RORA: variants seen among roughly 807,000 people sequenced by gnomAD.
The protein encoded by RORA is RAR related orphan receptor A, also known as nuclear receptor ROR-alpha.
In RORA, 7 loss-of-function variants were observed where a neutral mutation model predicts 69.5. The observed-to-expected ratio is 0.10, with a 90% CI of 0.06 to 0.19. The LOEUF is 0.19. RORA is among the 10% of genes least tolerant of loss of function. The pLI is 1.00. For missense variants in RORA, 457 were observed against 663.0 expected (o/e 0.69, Z 3.41); for synonymous variants, 261 against 240.8 (o/e 1.08, Z -0.78).
chr15:60,959,295 T>A (rs928218823), intron 1 of RORA, among the ~76,000 whole-genome samples: 3 of 152,174 alleles, frequency 2.0e-5, no homozygotes, highest in African/African-American at 7.2e-5. Context: ...CATTAAAAAA[T>A]CATTTTCCTG....
chr15:61,070,934 AAG>A (rs1397086768), intron 1 of RORA, among the ~76,000 whole-genome samples: 4 of 152,048 alleles, frequency 2.6e-5, no homozygotes, highest in Admixed American at 6.5e-5. Flanking sequence ...ATTGGACTTT[AAG>A]AACATAAGCG....
In RORA at chr15:61,200,239, T is replaced by C. The variant is rs2079882922; in HGVS notation, c.166+28814A>G. 4.6e-5 allele frequency among the ~76,000 whole-genome samples: 7 copies of C among 152,210 alleles called. No individual in the cohort carries two copies. The South Asian group carries it at 1.4e-3, about 32-fold the overall frequency. On this transcript the variant is annotated intron_variant, in intron 1 of 10. Coordinates refer to ENST00000335670, the MANE Select transcript of RORA (RefSeq NM_134261.3). ...TGGCATCAACTGACTTTCTGAGGAA[T>C]GGCCTAGAAAGCTATATGGGGCTTC...
chr15:60,838,896 T>TAC (rs2073158420), intron 1 of RORA, among the ~76,000 whole-genome samples: 1 of 138,090 alleles, frequency 7.2e-6, no homozygotes, highest in African/African-American at 2.8e-5. Context: ...ACATATACTT[T>TAC]TTTTTTTTTT....
intron 1 of RORA, among the ~76,000 whole-genome samples, chr15:61,003,045 G>A (rs1035242013): frequency 4.0e-5 from 6 of 150,720 alleles, no homozygotes; most frequent in African/African-American, 1.5e-4. Flanking sequence ...TCGGGAGGCT[G>A]AGGCAGGAGA....
chr15:60,837,196 T>C (rs566168956), intron 1 of RORA, among the ~76,000 whole-genome samples: 4 of 152,322 alleles, frequency 2.6e-5, no homozygotes, highest in African/African-American at 9.6e-5. Flanking sequence ...TAAGGCCCTC[T>C]TGAACTTTGT....
chr15:60,579,897 A>G lies in RORA; in HGVS notation c.197-48046T>C, dbSNP rs531779327. Among the ~76,000 whole-genome samples, 32 of 152,338 alleles carry G rather than the reference A, an allele frequency of 2.1e-4. No individual in the cohort carries two copies. In the South Asian group the frequency reaches 6.6e-3, roughly 32 times the overall value. ...CTTTTGTCAGCTCAGTATAGCATCA[A>G]TTAGTAACACAGTTGTGTTTATTAG... On this transcript the variant is annotated intron_variant, in intron 2 of 10. Transcript: ENST00000335670.
intron 1 of RORA, among the ~76,000 whole-genome samples, chr15:60,818,978 T>C (rs1473694094): frequency 6.6e-6 from 1 of 152,250 alleles, no homozygotes; most frequent in African/African-American, 2.4e-5. Flanking sequence ...TCTACACCAC[T>C]GTTTGCCTAT....
At chr15:60,857,466 C>T (rs2073393004) in intron 1 of RORA, among the ~76,000 whole-genome samples, 1 of 152,142 alleles carries the variant, frequency 6.6e-6, no homozygotes, top group Non-Finnish European at 1.5e-5. Context: ...ACATGCCAGG[C>T]TTTGGAATGA....
chr15:60,523,054 A>AAAAAAAACACACAC (rs1567058748), intron 3 of RORA, among the ~76,000 whole-genome samples: 45 of 152,022 alleles, frequency 3.0e-4, no homozygotes, highest in Admixed American at 1.8e-3. Flanking sequence ...AAAACACAAA[A>AAAAAAAACACACAC]AAAAAAACTG....
chr15:60,506,935 C>T (rs529363213), intron 5 of RORA, among the ~76,000 whole-genome samples: 63 of 151,240 alleles, frequency 4.2e-4, no homozygotes, highest in African/African-American at 1.4e-3. Context: ...TGCAGTGAGC[C>T]GAGATCACAC....
chr15:61,014,098 AT>A (rs1480542006), intron 1 of RORA, among the ~76,000 whole-genome samples: 1 of 152,166 alleles, frequency 6.6e-6, no homozygotes, highest in African/African-American at 2.4e-5. Context: ...GGCTTTTTAA[AT>A]AACAGCTCTG....
chr15:60,986,561 A>C (rs777808920), intron 1 of RORA, among the ~76,000 whole-genome samples: 4 of 152,220 alleles, frequency 2.6e-5, no homozygotes, highest in Non-Finnish European at 4.4e-5. Flanking sequence ...GTCTTTGGCC[A>C]TGGGAGCTTT....
chr15:60,954,231 G>T (rs1298161352), intron 1 of RORA, among the ~76,000 whole-genome samples: 1 of 133,592 alleles, frequency 7.5e-6, no homozygotes, highest in Non-Finnish European at 1.6e-5. Context: ...TCATAGGTGG[G>T]AATTGAACAA....
At chr15:61,118,174 G>C (rs1468050671) in intron 1 of RORA, among the ~76,000 whole-genome samples, 6 of 152,150 alleles carry the variant, frequency 3.9e-5, no homozygotes, top group Non-Finnish European at 8.8e-5. Context: ...CAGATATACA[G>C]AGAGTATTGG....
intron 1 of RORA, among the ~76,000 whole-genome samples, chr15:61,010,261 C>A (rs1463179451): frequency 6.6e-6 from 1 of 152,114 alleles, no homozygotes; most frequent in East Asian, 1.9e-4. Context: ...TTTTTCAGGG[C>A]CCCCTGGGAC....
At chr15:60,665,203 T>C (rs1452758525) in intron 2 of RORA, among the ~76,000 whole-genome samples, 1 of 152,248 alleles carries the variant, frequency 6.6e-6, no homozygotes, top group Non-Finnish European at 1.5e-5. Context: ...ATTTTAGGAT[T>C]ACTTTTTCTT....
At chr15:61,004,658 A>G (rs1416849992) in intron 1 of RORA, among the ~76,000 whole-genome samples, 2 of 152,204 alleles carry the variant, frequency 1.3e-5, no homozygotes, top group Non-Finnish European at 1.5e-5. Flanking sequence ...GGGAAGCTGA[A>G]CTTTAATTTT....
intron 1 of RORA, among the ~76,000 whole-genome samples, chr15:61,030,558 T>G (rs1896108815): frequency 6.6e-6 from 1 of 151,902 alleles, no homozygotes; most frequent in East Asian, 1.9e-4. Flanking sequence ...GAAGGAAGAG[T>G]TGAAGCACAG....
At chr15:60,893,805 T>A (rs1891147251) in intron 1 of RORA, among the ~76,000 whole-genome samples, 1 of 152,070 alleles carries the variant, frequency 6.6e-6, no homozygotes, top group Admixed American at 6.6e-5. Context: ...GCTGAAAGGA[T>A]CTTTAGAGGT....
Sources: allele counts gnomAD v4.1 joint callset (sites outside exome capture counted in the v4.1 genomes callset), GRCh38; gene constraint gnomAD v4.1.1; transcripts MANE v1.5; gene names NCBI Gene and HGNC (gene_info 2026-07-23, HGNC 2026-07-21).